The following OAS1 variants were observed in gnomAD, a reference collection of about 807,000 sequenced individuals.
OAS1 encodes the protein 2'-5'-oligoadenylate synthase 1.
OAS1 carries 24 observed loss-of-function variants against 38.5 expected under a neutral mutation model. The ratio of observed to expected loss-of-function variants is 0.62; its 90% confidence interval spans 0.45 to 0.88. OAS1 has a LOEUF of 0.88. Ranked by LOEUF, OAS1 falls within the 40% of genes least tolerant of loss-of-function variation. OAS1 has a pLI of 0.00. For synonymous variants in OAS1, 169 were observed against 193.9 expected (o/e 0.87, Z 1.07); for missense variants, 482 against 493.9 (o/e 0.98, Z 0.23).
rs2043481565 is a variant in OAS1 at position 112,917,661 on chromosome 12, G to T, written c.999G>T (p.Lys333Asn). 1 of 1,614,100 alleles carries T rather than the reference G, an allele frequency of 6.2e-7. No homozygotes were observed. Among genetic ancestry groups the T allele is most frequent in the African/African-American group, 1.3e-5 (1 of 74,938 alleles). ...AEAWLNYPCF[K>N]NWDGSPVSSW... is the part of the protein sequence containing the mutation. ...CCTGGCTGAATTACCCATGCTTTAAGAATTGGGATGGGTCCCCAGTGAGCT... is the reference window on the plus strand; with the variant it reads ...CCTGGCTGAATTACCCATGCTTTAATAATTGGGATGGGTCCCCAGTGAGCT... The change falls in exon 5 of 6, where the codon AAG (lysine) becomes AAT (asparagine). Residue 333 changes from lysine to asparagine, a missense_variant. Physicochemically the swap from Lys to Asn is moderately conservative, Grantham distance 94 (BLOSUM62 0). Transcript: ENST00000202917.
At chr12:112,917,824 T>C in intron 5 of OAS1, 124 bp downstream of exon 5, 1 of 1,605,386 alleles carries the variant, frequency 6.2e-7, no homozygotes, top group Non-Finnish European at 8.5e-7. Context: ...TATATTCATA[T>C]AGTGACAGGC....
In OAS1 at chr12:112,919,627, G is replaced by C. The variant is rs751104333; in HGVS notation, c.*74G>C. The C allele has an allele frequency of 2.5e-6, 4 of 1,611,860 alleles. No individual in the cohort carries two copies. In the East Asian group the frequency reaches 6.7e-5, roughly 27 times the overall value. On this transcript the variant is annotated 3_prime_UTR_variant, in exon 6 of 6. Transcript: ENST00000202917. Reference sequence around the variant, plus strand: ...TCCTTCATTTTCAGGTGGGACTCTTGATCCAGAGAGGACAAAGCTCCTCAG... The same window carrying C: ...TCCTTCATTTTCAGGTGGGACTCTTCATCCAGAGAGGACAAAGCTCCTCAG...
Position 112,914,961 on chromosome 12 carries a change from C to G in OAS1, c.655-1548C>G, listed in dbSNP as rs563825780. 4.8e-4 allele frequency among the ~76,000 whole-genome samples: 73 copies of G among 151,228 alleles called. 3 individuals are homozygous for G. In the South Asian group the frequency reaches 0.015, roughly 31 times the overall value. ...ATTCTCTGTTCATGTCCTTAGCCCA[C>G]TTTTTGATGAGATTTTTTTTTTCTT... On this transcript the variant is annotated intron_variant, in intron 3 of 5. Coordinates refer to ENST00000202917, the MANE Select transcript of OAS1 (RefSeq NM_016816.4).
At position 112,917,668 on chromosome 12, in the gene OAS1, G is replaced by A; in HGVS notation, c.1006G>A (p.Asp336Asn). The A allele has an allele frequency of 6.2e-7, 1 of 1,614,188 alleles. No homozygotes were observed. Among genetic ancestry groups the A allele is most frequent in the Admixed American group, 1.7e-5 (1 of 60,022 alleles). Residue 336 changes from aspartate (D) to asparagine (N), a missense_variant, in exon 5 of 6, where the codon GAT (aspartate) becomes AAT (asparagine). Physicochemically the swap from Asp to Asn is conservative, Grantham distance 23. Coordinates refer to ENST00000202917, the MANE Select transcript of OAS1 (RefSeq NM_016816.4). ...WLNYPCFKNW[D>N]GSPVSSWILL... ...GAATTACCCATGCTTTAAGAATTGG[G>A]ATGGGTCCCCAGTGAGCTCCTGGAT... is the stretch of plus-strand genomic sequence containing the variant.
intron 2 of OAS1, among the ~76,000 whole-genome samples, chr12:112,910,537 A>T (rs1345032916): frequency 1.3e-5 from 2 of 151,748 alleles, no homozygotes; most frequent in African/African-American, 2.4e-5. Flanking sequence ...CCTTGGGGAG[A>T]TCTGGAGGTT....
Position 112,916,596 on chromosome 12 carries a change from C to T in OAS1, c.742C>T (p.His248Tyr), listed in dbSNP as rs2043461219. The T allele has an allele frequency of 1.2e-6, 2 of 1,614,170 alleles. No individual in the cohort carries two copies. The highest frequency in any genetic ancestry group is 1.7e-6 in the Non-Finnish European group (2 of 1,180,026). Residue 248 changes from histidine (H) to tyrosine (Y), a missense_variant, in exon 4 of 6, where the codon CAT becomes TAT. Coordinates refer to ENST00000202917, the MANE Select transcript of OAS1 (RefSeq NM_016816.4). Reference protein sequence around the residue: ...YAWERGSMKTHFNTAQGFRTV... With the variant: ...YAWERGSMKTYFNTAQGFRTV... ...TTGGGAGCGAGGGAGCATGAAAACA[C>T]ATTTCAACACAGCCCAGGGATTTCG...
chr12:112,921,232 T>C (rs762123255), downstream of OAS1, among the ~76,000 whole-genome samples: 30 of 152,208 alleles, frequency 2.0e-4, no homozygotes, highest in Admixed American at 1.3e-3. Context: ...GAAATGATGT[T>C]TCACCAGCTA....
downstream of OAS1, among the ~76,000 whole-genome samples, chr12:112,922,038 C>T (rs1481260715): frequency 6.6e-6 from 1 of 152,180 alleles, no homozygotes; most frequent in Non-Finnish European, 1.5e-5. Context: ...CTCTTGGCTC[C>T]TATATGCCCC....
At chr12:112,918,340 G>A in intron 5 of OAS1, 1 of 207,290 alleles carries the variant, frequency 4.8e-6, no homozygotes, top group South Asian at 7.6e-5. Context: ...TCTTATGGCT[G>A]CATAATACTC....
rs768118701 is a variant in OAS1 at position 112,908,685 on chromosome 12, AAGAG to A, written c.337_340del (p.Arg113HisfsTer4). 3 of 1,614,176 alleles carry A rather than the reference AAGAG, an allele frequency of 1.9e-6. No homozygotes were observed. The highest frequency in any genetic ancestry group is 8.5e-7 in the Non-Finnish European group (1 of 1,180,020). ...TTAGGAGACAGCTGGAAGCCTGTCA[AAGAG>A]AGAGAGCATTTTCCGTGAAGTTTGA... On this transcript the variant is annotated frameshift_variant, in exon 2 of 6. Coordinates refer to ENST00000202917, the MANE Select transcript of OAS1 (RefSeq NM_016816.4). LOFTEE classifies it high-confidence loss of function.
Position 112,919,433 on chromosome 12 carries a change from G to T in OAS1, c.1083G>T (p.Arg361Ser). 6.2e-7 allele frequency: 1 copy of T among 1,614,104 alleles called. No homozygotes were observed. The highest frequency in any genetic ancestry group is 8.5e-7 in the Non-Finnish European group (1 of 1,179,964). The change falls in exon 6 of 6, where the codon AGG becomes AGT. Residue 361 changes from arginine to serine, a missense_variant. Physicochemically the swap from Arg to Ser is moderately radical, Grantham distance 110. Transcript: ENST00000202917. ...SADDETDDPR[R>S]YQKYGYIGTH... ...ACGATGAGACCGACGATCCCAGGAGGTATCAGAAATATGGTTACATTGGAA... is the reference window on the plus strand; with the variant it reads ...ACGATGAGACCGACGATCCCAGGAGTTATCAGAAATATGGTTACATTGGAA...
rs750207645 is a variant in OAS1, at chr12:112,907,008, A to G, written c.-32A>G. ...AGAGATAAAAGCAAACAGGTCTGGG[A>G]GGCAGTTCTGTTGCCACTCTCTCTC... On this transcript the variant is annotated 5_prime_UTR_variant, in exon 1 of 6. Transcript: ENST00000202917. The G allele has an allele frequency of 6.2e-7, 1 of 1,611,108 alleles. No individual in the cohort carries two copies. The highest frequency in any genetic ancestry group is 8.5e-7 in the Non-Finnish European group (1 of 1,177,442).
At chr12:112,917,478 A>G (rs1415461537) in intron 4 of OAS1, 69 bp from the exon 5 acceptor site, 1 of 1,597,110 alleles carries the variant, frequency 6.3e-7, no homozygotes, top group Non-Finnish European at 8.5e-7. Context: ...TTGCTCTCCC[A>G]GGAGCATCTG....
At position 112,911,182 on chromosome 12, in the gene OAS1, C is replaced by A; in HGVS notation, c.601C>A (p.Arg201Ser). Reference protein sequence around the residue: ...TELQRDFLKQRPTKLKSLIRL... With the variant: ...TELQRDFLKQSPTKLKSLIRL... ...ACTACAGAGAGACTTCCTGAAGCAG[C>A]GCCCCACCAAGCTCAAGAGCCTCAT... Residue 201 changes from arginine (R) to serine (S), a missense_variant, in exon 3 of 6, where the codon CGC becomes AGC. Coordinates refer to ENST00000202917, the MANE Select transcript of OAS1 (RefSeq NM_016816.4). 2 of 1,613,822 alleles carry A rather than the reference C, an allele frequency of 1.2e-6. No homozygotes were observed.
chr12:112,931,884 C>T (rs2043599286), exon 7 of OAS1: 1 of 690,270 alleles, frequency 1.4e-6, no homozygotes, highest in Non-Finnish European at 2.6e-6. Flanking sequence ...TCAGGTAAAC[C>T]TCACACTGGT....
chr12:112,907,301 A>G (rs2043310635), intron 1 of OAS1, 82 bp downstream of exon 1: 1 of 1,442,326 alleles, frequency 6.9e-7, no homozygotes. Flanking sequence ...AGAGAGAGAG[A>G]GAAGCAAAAA....
At chr12:112,922,437 G>A (rs373632447), downstream of OAS1, among the ~76,000 whole-genome samples, 9 of 152,170 alleles carry the variant, frequency 5.9e-5, no homozygotes, top group South Asian at 1.7e-3. Context: ...GCCACATTGT[G>A]TTAACCAGGT....
chr12:112,909,140 T>C (rs1243896116), intron 2 of OAS1: 1 of 406,160 alleles, frequency 2.5e-6, no homozygotes, highest in Non-Finnish European at 4.3e-6. Flanking sequence ...AAGTTCATGT[T>C]ACTCTCATCT....
chr12:112,911,847 A>G (rs932740604), intron 3 of OAS1, among the ~76,000 whole-genome samples: 1 of 152,228 alleles, frequency 6.6e-6, no homozygotes, highest in African/African-American at 2.4e-5. Flanking sequence ...TGCTTAGCTT[A>G]TCTATGTTTT....
Sources: allele counts gnomAD v4.1 joint callset (sites outside exome capture counted in the v4.1 genomes callset), GRCh38; gene constraint gnomAD v4.1.1; transcripts MANE v1.5; gene names NCBI Gene and HGNC (gene_info 2026-07-23, HGNC 2026-07-21).